The following LRP1B variants were observed in gnomAD, a reference collection of about 807,000 sequenced individuals.
LRP1B encodes low-density lipoprotein receptor-related protein 1B.
Under a neutral mutation model 556.6 loss-of-function variants are expected in LRP1B, and 217 were observed. That is an observed-to-expected ratio of 0.39 (90% CI 0.35 to 0.44). The LOEUF is 0.44. LRP1B is among the 20% of genes least tolerant of loss of function. LRP1B has a pLI of 1.00. For synonymous variants in LRP1B, 2,047 were observed against 1,865.8 expected, an observed-to-expected ratio of 1.10 and a Z score of -2.50; for missense variants, 5,053 against 5,620.8, an observed-to-expected ratio of 0.90 and a Z score of 3.23.
chr2:141,544,332 T>TTCTTCTTCTTCTTC, intron 2 of LRP1B, among the ~76,000 whole-genome samples: 1 of 25,126 alleles, frequency 4.0e-5, no homozygotes, highest in Non-Finnish European at 1.3e-4. Flanking sequence ...CTTCTTCTTC[T>TTCTTCTTCTTCTTC]TCTTCTTCTT....
chr2:140,244,938 AAAGT>A (rs772808371), intron 87 of LRP1B, among the ~76,000 whole-genome samples: 6 of 151,310 alleles, frequency 4.0e-5, no homozygotes, highest in Non-Finnish European at 8.9e-5. Flanking sequence ...CAAAATAATA[AAAGT>A]AATCCTCTTT....
chr2:141,365,177 T>C (rs1324567368), intron 3 of LRP1B, among the ~76,000 whole-genome samples: 1 of 152,216 alleles, frequency 6.6e-6, no homozygotes, highest in African/African-American at 2.4e-5. Flanking sequence ...TCTGTGAAAC[T>C]CTTCCATTCA....
At chr2:141,041,642 G>C (rs1698700999) in intron 11 of LRP1B, among the ~76,000 whole-genome samples, 1 of 152,050 alleles carries the variant, frequency 6.6e-6, no homozygotes, top group South Asian at 2.1e-4. Flanking sequence ...CTATATGGGA[G>C]GAACAAGTTC....
chr2:141,314,810 T>TATA (rs1553493213), intron 3 of LRP1B, among the ~76,000 whole-genome samples: 4 of 123,502 alleles, frequency 3.2e-5, no homozygotes, highest in Non-Finnish European at 4.8e-5. Context: ...AAAAAAAAAT[T>TATA]TATATATATA....
intron 3 of LRP1B, among the ~76,000 whole-genome samples, chr2:141,316,917 T>C (rs1176758647): frequency 2.6e-5 from 4 of 152,204 alleles, no homozygotes; most frequent in African/African-American, 9.7e-5. Context: ...TTAGCAGTAT[T>C]TGTATTTGGC....
intron 14 of LRP1B, among the ~76,000 whole-genome samples, chr2:141,010,885 G>A (rs1440625818): frequency 6.6e-6 from 1 of 151,428 alleles, no homozygotes; most frequent in Non-Finnish European, 1.5e-5. Flanking sequence ...CTGACACTGA[G>A]TCTAAAATAT....
intron 3 of LRP1B, among the ~76,000 whole-genome samples, chr2:141,440,075 T>C (rs1389391531): frequency 6.6e-6 from 1 of 152,098 alleles, no homozygotes; most frequent in African/African-American, 2.4e-5. Flanking sequence ...CCAGGGCACG[T>C]TGAAAATGAC....
At chr2:141,352,914 T>C (rs1688495001) in intron 3 of LRP1B, among the ~76,000 whole-genome samples, 2 of 151,986 alleles carry the variant, frequency 1.3e-5, no homozygotes, top group Admixed American at 6.6e-5. Context: ...TATATTTATA[T>C]TCAAAATGAT....
intron 2 of LRP1B, among the ~76,000 whole-genome samples, chr2:141,699,576 T>C (rs1170600850): frequency 6.6e-6 from 1 of 151,600 alleles, no homozygotes; most frequent in Non-Finnish European, 1.5e-5. Context: ...ATTTTTTATA[T>C]TTAACCTGTA....
chr2:141,982,101 C>T (rs559331525), intron 1 of LRP1B, among the ~76,000 whole-genome samples: 2 of 152,196 alleles, frequency 1.3e-5, no homozygotes, highest in Non-Finnish European at 2.9e-5. Context: ...AATAATAACT[C>T]GCATTTCCCT....
intron 6 of LRP1B, among the ~76,000 whole-genome samples, chr2:141,190,035 A>G (rs1008067531): frequency 3.3e-5 from 5 of 152,004 alleles, no homozygotes; most frequent in African/African-American, 1.2e-4. Flanking sequence ...GTCAGAAGAA[A>G]AGAGGCTGAA....
intron 3 of LRP1B, among the ~76,000 whole-genome samples, chr2:141,451,156 G>C (rs1681407594): frequency 1.3e-5 from 2 of 152,182 alleles, no homozygotes; most frequent in Admixed American, 1.3e-4. Flanking sequence ...AGAGACATTA[G>C]GAGTGTAGGA....
chr2:141,592,271 C>T (rs1188433806), intron 2 of LRP1B, among the ~76,000 whole-genome samples: 6 of 152,218 alleles, frequency 3.9e-5, no homozygotes, highest in African/African-American at 7.2e-5. Flanking sequence ...ATAGCTTATA[C>T]GTGACAGAAA....
At chr2:140,420,590 C>T (rs1162283667) in intron 66 of LRP1B, among the ~76,000 whole-genome samples, 2 of 152,158 alleles carry the variant, frequency 1.3e-5, no homozygotes, top group East Asian at 1.9e-4. Flanking sequence ...CAATATTCTA[C>T]AACTTAAATA....
At chr2:141,194,132 A>G (rs1681645670) in intron 6 of LRP1B, among the ~76,000 whole-genome samples, 1 of 152,192 alleles carries the variant, frequency 6.6e-6, no homozygotes, top group South Asian at 2.1e-4. Flanking sequence ...TCGACTGTAA[A>G]TATTTCAACC....
chr2:140,466,836 A>G (rs1460011060), intron 60 of LRP1B, among the ~76,000 whole-genome samples: 1 of 152,186 alleles, frequency 6.6e-6, no homozygotes, highest in East Asian at 1.9e-4. Context: ...TACTGTTCAC[A>G]CAGTATTTTC....
intron 3 of LRP1B, among the ~76,000 whole-genome samples, chr2:141,391,992 T>C (rs969475812): frequency 1.3e-5 from 2 of 152,156 alleles, no homozygotes; most frequent in East Asian, 1.9e-4. Context: ...GATGCATGTA[T>C]ATCCAAAGCA....
intron 66 of LRP1B, among the ~76,000 whole-genome samples, chr2:140,406,015 A>G (rs1001139480): frequency 6.6e-6 from 1 of 152,188 alleles, no homozygotes; most frequent in African/African-American, 2.4e-5. Context: ...GTTACATCTC[A>G]GGGATGCAGC....
intron 43 of LRP1B, among the ~76,000 whole-genome samples, chr2:140,595,098 A>ATCTATATCTATC (rs1682382340): frequency 2.0e-5 from 1 of 50,644 alleles, no homozygotes; most frequent in African/African-American, 8.0e-5. Context: ...ATATATATAT[A>ATCTATATCTATC]TATATATATA....
Sources: gnomAD v4.1 joint callset for allele counts (sites outside exome capture counted in the v4.1 genomes callset) on GRCh38, gnomAD v4.1.1 for gene constraint, MANE v1.5 for transcripts, NCBI Gene and HGNC (gene_info 2026-07-23, HGNC 2026-07-21) for gene names.